TRANK1: variants seen among roughly 807,000 people sequenced by gnomAD.
The protein encoded by TRANK1 is tetratricopeptide repeat and ankyrin repeat containing 1, also known as TPR and ankyrin repeat-containing protein 1.
TRANK1 carries 198 observed loss-of-function variants against 266.0 expected under a neutral mutation model. The observed-to-expected ratio is 0.74, with a 90% CI of 0.66 to 0.84. The LOEUF (loss-of-function observed/expected upper bound fraction) is 0.84. Among genes scored for constraint, TRANK1 ranks in the 40% least tolerant of loss-of-function variants. TRANK1 has a pLI of 0.00. For missense variants in TRANK1, 3,326 were observed against 3,634.6 expected, an observed-to-expected ratio of 0.92 and a Z score of 2.18; for synonymous variants, 1,396 against 1,384.1, an observed-to-expected ratio of 1.01 and a Z score of -0.19.
chr3:36,862,540 T>A (rs2079156544), intron 10 of TRANK1, among the ~76,000 whole-genome samples: 1 of 152,206 alleles, frequency 6.6e-6, no homozygotes, highest in South Asian at 2.1e-4. Context: ...TCTCCCACCT[T>A]CTGGCACTCT....
At chr3:36,828,411 A>AGG in intron 23 of TRANK1, 36 bp from the exon 24 acceptor site, 6 of 901,162 alleles carry the variant, frequency 6.7e-6, no homozygotes, top group Non-Finnish European at 1.0e-5. Flanking sequence ...GAAGGAAGGA[A>AGG]AGAAGGGAGG....
chr3:36,886,440 CTT>C, intron 8 of TRANK1, among the ~76,000 whole-genome samples: 1 of 152,134 alleles, frequency 6.6e-6, no homozygotes, highest in East Asian at 1.9e-4. Context: ...ATCCTCCCAA[CTT>C]TCAGAAAGTT....
At position 36,858,653 on chromosome 3, in the gene TRANK1, T is replaced by C. The variant is rs1575214163; in HGVS notation, c.1672+65A>G. ...ACACAAAAGGAAAGACCAGAAAACA[T>C]AGCATCAGTTCTAATATCCAGCTTC... is the stretch of plus-strand genomic sequence containing the variant. On this transcript the variant is annotated intron_variant, in intron 12 of 23. Transcript: ENST00000645898. 5.7e-6 allele frequency: 8 copies of C among 1,406,856 alleles called. No homozygotes were observed. The South Asian group carries it at 8.3e-5, about 15-fold the overall frequency. 87.1% of individuals were successfully genotyped at this position (1,406,856 alleles called of 1,614,324 possible). A position where few individuals can be genotyped will look rare whatever the true frequency, so the allele number is the denominator to read the frequency against.
intron 22 of TRANK1, among the ~76,000 whole-genome samples, chr3:36,830,017 A>G (rs535521773): frequency 6.6e-6 from 1 of 152,220 alleles, no homozygotes; most frequent in African/African-American, 2.4e-5. Context: ...ACTTCTACAT[A>G]GTGTTGATAA....
chr3:36,884,714 C>T (rs116093113), intron 8 of TRANK1, among the ~76,000 whole-genome samples: 2,660 of 152,252 alleles, frequency 0.017, 33 homozygotes, highest in Non-Finnish European at 0.028. Context: ...AGGTGAATCA[C>T]GTGAGGCCAA....
rs1467090368 is a variant in TRANK1, at chr3:36,842,631, CTG to C, written c.5269_5270del (p.Gln1757ValfsTer16). ...TAGTCCAACCCCTTACCTTCCAGCA[CTG>C]GTGCTTGGCGTAGTAATCTCCCTGT... The part of the protein sequence containing the change: ...IAQGDYYAKH[Q>X]CWKVAAKCYQ... On this transcript the variant is annotated frameshift_variant, in exon 18 of 24. Transcript: ENST00000645898. LOFTEE classifies it high-confidence loss of function. 1 of 1,613,948 alleles carries C rather than the reference CTG, an allele frequency of 6.2e-7. No homozygotes were observed. Among genetic ancestry groups the C allele is most frequent in the Admixed American group, 1.7e-5 (1 of 60,026 alleles).
chr3:36,831,169 A>G lies in TRANK1; in HGVS notation c.8414T>C (p.Leu2805Pro), dbSNP rs1288349133. The G allele has an allele frequency of 6.2e-6, 10 of 1,613,594 alleles. No homozygotes were observed. The highest frequency in any genetic ancestry group is 8.5e-6 in the Non-Finnish European group (10 of 1,179,828). ...SEVAVLSRAE[L>P]EREECQERNS... ...CCTCTCCTGACACTCCTCCCTTTCC[A>G]GCTCAGCCCTGGAAAGGACTGCCAC... The change falls in exon 22 of 24, where the codon CTG (leucine) becomes CCG (proline). Residue 2805 changes from leucine to proline, a missense_variant. Transcript: ENST00000645898. This position sits in a 1 kb window ranked among gnomAD's most constrained non-coding sequence, Gnocchi z 5.0.
chr3:36,932,550 G>A (rs751582960), intron 1 of TRANK1, among the ~76,000 whole-genome samples: 14 of 152,192 alleles, frequency 9.2e-5, no homozygotes, highest in Non-Finnish European at 1.6e-4. Context: ...GCAACAGAGC[G>A]AAACTCCAAC....
chr3:36,858,928 C>A (rs1316153967), intron 11 of TRANK1, 34 bp from the exon 12 acceptor site: 2 of 1,501,622 alleles, frequency 1.3e-6, no homozygotes, highest in East Asian at 2.5e-5. Context: ...GCAATGTGAG[C>A]AGGCACAGCC....
Position 36,846,726 on chromosome 3 carries a change from A to G in TRANK1, c.5035-322T>C, listed in dbSNP as rs190285892. ...TATTTTAAGAGTTAATTCTGAAGTA[A>G]TTATAGACTCACTGAAAGTTACAGT... On this transcript the variant is annotated intron_variant, in intron 16 of 23. Transcript: ENST00000645898. 1.5e-4 allele frequency among the ~76,000 whole-genome samples: 23 copies of G among 152,274 alleles called. No individual in the cohort carries two copies. The East Asian group carries it at 4.2e-3, about 28-fold the overall frequency.
Position 36,857,552 on chromosome 3 carries a change from T to C in TRANK1, c.2170A>G (p.Arg724Gly), listed in dbSNP as rs746613658. 2.4e-5 allele frequency: 39 copies of C among 1,613,940 alleles called. No homozygotes were observed. Among genetic ancestry groups the C allele is most frequent in the Non-Finnish European group, 3.4e-6 (4 of 1,179,910 alleles). The change falls in exon 13 of 24, where the codon AGG (arginine) becomes GGG (glycine). Residue 724 changes from arginine (R) to glycine (G), a missense_variant. Physicochemically the swap from Arg to Gly is moderately radical, Grantham distance 125. Transcript: ENST00000645898. This position sits in a 1 kb window ranked among gnomAD's most constrained non-coding sequence, Gnocchi z 4.3. ...QVTRKEPGALRPCSLRDCLMQ... is the reference protein window; with the variant it reads ...QVTRKEPGALGPCSLRDCLMQ... ...AGGCAGTCTCTCAGCGAGCAGGGCC[T>C]GAGAGCTCCAGGCTCCTTCCTGGTC...
chr3:36,895,567 C>G, intron 5 of TRANK1, 73 bp downstream of exon 5: 1 of 910,556 alleles, frequency 1.1e-6, no homozygotes, highest in Non-Finnish European at 1.6e-6. Context: ...ATTACAATCC[C>G]TCAATGCCAA....
At chr3:36,927,177 T>C (rs187335438) in intron 1 of TRANK1, among the ~76,000 whole-genome samples, 13 of 152,294 alleles carry the variant, frequency 8.5e-5, no homozygotes, top group Admixed American at 3.3e-4. Flanking sequence ...GAGGCCCATG[T>C]AACCTCCTGA....
rs2078684931 is a variant in TRANK1 at position 36,830,985 on chromosome 3, G to A, written c.8598C>T (p.His2866=). 2 of 1,613,916 alleles carry A rather than the reference G, an allele frequency of 1.2e-6. No individual in the cohort carries two copies. Among genetic ancestry groups the A allele is most frequent in the Non-Finnish European group, 8.5e-7 (1 of 1,179,916 alleles). The change falls in exon 22 of 24, where the codon CAC becomes CAT. Residue 2866 remains histidine, a synonymous_variant. Transcript: ENST00000645898. ...TGTGCTCCTTGGAGCCCACGTGACT[G>A]TGGATCCATACACTTTGCTCGATGT... ...VQDIEQSVWI[H]SHVGSKEHSH... is the part of the protein sequence containing the mutation.
chr3:36,878,453 T>C (rs2079421730), intron 8 of TRANK1, among the ~76,000 whole-genome samples: 1 of 152,226 alleles, frequency 6.6e-6, no homozygotes, highest in Non-Finnish European at 1.5e-5. Flanking sequence ...ATCTGATTAG[T>C]TTCCGTGAGC....
intron 3 of TRANK1, among the ~76,000 whole-genome samples, chr3:36,900,951 C>A (rs1412706419): frequency 1.3e-5 from 2 of 149,976 alleles, no homozygotes; most frequent in African/African-American, 4.9e-5. Flanking sequence ...AAATTTCTGG[C>A]TATTTAATGA....
At chr3:36,844,872 G>T (rs2125525474) in intron 17 of TRANK1, among the ~76,000 whole-genome samples, 1 of 152,184 alleles carries the variant, frequency 6.6e-6, no homozygotes, top group Non-Finnish European at 1.5e-5. Context: ...GCCAAACTCT[G>T]CTCCTTGCTC....
chr3:36,924,396 AAGC>A (rs1438525283), intron 1 of TRANK1, among the ~76,000 whole-genome samples: 1 of 152,176 alleles, frequency 6.6e-6, no homozygotes. Flanking sequence ...CACCGCTCCC[AAGC>A]AGCATGTTTT....
intron 20 of TRANK1, among the ~76,000 whole-genome samples, chr3:36,836,818 T>C (rs1420948346): frequency 2.6e-5 from 4 of 152,216 alleles, no homozygotes; most frequent in African/African-American, 9.6e-5. Flanking sequence ...CCAGGCCCTA[T>C]CATTTCAGCC....
Sources: gnomAD v4.1 joint callset for allele counts (sites outside exome capture counted in the v4.1 genomes callset) on GRCh38, gnomAD v4.1.1 for gene constraint, Gnocchi (gnomAD v3.1) non-coding constraint, MANE v1.5 for transcripts, NCBI Gene and HGNC (gene_info 2026-07-23, HGNC 2026-07-21) for gene names.